Variants in SMARCC1 observed in about 807,000 individuals in gnomAD.
SMARCC1 encodes the protein SWI/SNF related BAF chromatin remodeling complex subunit C1.
Under a neutral mutation model 147.4 loss-of-function variants are expected in SMARCC1, and 43 were observed. The observed-to-expected ratio is 0.29, with a 90% CI of 0.23 to 0.38. The LOEUF (loss-of-function observed/expected upper bound fraction) is 0.38, where lower values mean the gene tolerates loss of function less well. Among genes scored for constraint, SMARCC1 ranks in the 10% least tolerant of loss-of-function variants. The probability of loss-of-function intolerance (pLI) is 1.00; values close to 1 mark genes in which losing one functional copy is unlikely to be tolerated. For missense variants in SMARCC1, 1,119 were observed against 1,381.1 expected (o/e 0.81, Z 3.01); for synonymous variants, 495 against 484.4 (o/e 1.02, Z -0.29).
chr3:47,729,892 G>C (rs1309870893), intron 5 of SMARCC1, among the ~76,000 whole-genome samples: 1 of 152,136 alleles, frequency 6.6e-6, no homozygotes, highest in Non-Finnish European at 1.5e-5. Flanking sequence ...GCATATAAAA[G>C]TTACATTTAT....
chr3:47,693,517 AACAAT>A (rs1178183007), intron 11 of SMARCC1, among the ~76,000 whole-genome samples: 1 of 152,238 alleles, frequency 6.6e-6, no homozygotes, highest in Non-Finnish European at 1.5e-5. Flanking sequence ...CATAAAAGCA[AACAAT>A]ACAAAATACT....
chr3:47,688,569 T>C (rs916174380), intron 13 of SMARCC1, among the ~76,000 whole-genome samples: 2 of 152,168 alleles, frequency 1.3e-5, no homozygotes, highest in Non-Finnish European at 2.9e-5. Flanking sequence ...GCCGTTTATT[T>C]TTAAAAAATT....
chr3:47,681,744 A>T (rs553604318), intron 14 of SMARCC1, among the ~76,000 whole-genome samples: 37 of 152,310 alleles, frequency 2.4e-4, no homozygotes, highest in African/African-American at 8.2e-4. Flanking sequence ...TTACCGGCAA[A>T]CTTCTAGAAA....
chr3:47,712,327 T>A (rs1014956012), intron 8 of SMARCC1, among the ~76,000 whole-genome samples: 1 of 151,970 alleles, frequency 6.6e-6, no homozygotes, highest in African/African-American at 2.4e-5. Flanking sequence ...CTGTGCTAAA[T>A]AAAAGGGTTA....
chr3:47,615,317 C>A (rs1284965178), intron 25 of SMARCC1, among the ~76,000 whole-genome samples: 1 of 152,218 alleles, frequency 6.6e-6, no homozygotes, highest in Non-Finnish European at 1.5e-5. Context: ...GCCTGGAGGA[C>A]AGCAGATGCT....
intron 21 of SMARCC1, among the ~76,000 whole-genome samples, chr3:47,641,971 C>G (rs2033053944): frequency 1.3e-5 from 2 of 152,054 alleles, no homozygotes; most frequent in Non-Finnish European, 2.9e-5. Flanking sequence ...ATGGTAGTTT[C>G]ACCGTAATGC....
intron 8 of SMARCC1, among the ~76,000 whole-genome samples, chr3:47,711,612 G>A (rs555528987): frequency 6.6e-6 from 1 of 152,274 alleles, no homozygotes; most frequent in East Asian, 1.9e-4. Context: ...CTAGAACACT[G>A]TAAAAACAAG....
At chr3:47,679,369 C>T (rs991778924) in intron 15 of SMARCC1, among the ~76,000 whole-genome samples, 1 of 152,166 alleles carries the variant, frequency 6.6e-6, no homozygotes, top group Non-Finnish European at 1.5e-5. Flanking sequence ...TCCGGCCAAA[C>T]TTCTTCCTTC....
Position 47,648,412 on chromosome 3 carries a change from A to C in SMARCC1, c.2321-9632T>G, listed in dbSNP as rs373833384. Among the ~76,000 whole-genome samples the C allele has an allele frequency of 3.9e-5, 6 of 152,202 alleles. 1 individual carries two copies. The highest frequency in any genetic ancestry group is 1.4e-4 in the African/African-American group (6 of 41,532). ...CATTTTTTTATTTTTTAAGAGACAG[A>C]GTCTTGTTCTGTCACCCAGGCTGGA... On this transcript the variant is annotated intron_variant, in intron 21 of 27. Coordinates refer to ENST00000254480, the MANE Select transcript of SMARCC1 (RefSeq NM_003074.4).
At chr3:47,611,859 G>T (rs2032569877) in intron 25 of SMARCC1, among the ~76,000 whole-genome samples, 1 of 152,200 alleles carries the variant, frequency 6.6e-6, no homozygotes, top group South Asian at 2.1e-4. Flanking sequence ...TGCATGAGCA[G>T]GCTAAGAGGA....
intron 7 of SMARCC1, among the ~76,000 whole-genome samples, chr3:47,716,771 T>TACA (rs2034161052): frequency 6.6e-6 from 1 of 152,212 alleles, no homozygotes; most frequent in African/African-American, 2.4e-5. Flanking sequence ...GACTACTGAC[T>TACA]TGAAGCCTTT....
At chr3:47,779,809 G>C (rs1042809228) in intron 1 of SMARCC1, among the ~76,000 whole-genome samples, 7 of 152,166 alleles carry the variant, frequency 4.6e-5, no homozygotes, top group African/African-American at 1.7e-4. Flanking sequence ...TATGCCTGTA[G>C]ATTATTTTTC....
In SMARCC1 at chr3:47,710,759, T is replaced by G; in HGVS notation, c.842A>C (p.Asn281Thr). Reference sequence around the variant, plus strand: ...TTCATCCACCTCATAATCCTCCTCATTCATCCATTCATTGAAAATATCAGT... The same window carrying G: ...TTCATCCACCTCATAATCCTCCTCAGTCATCCATTCATTGAAAATATCAGT... ...LDTDIFNEWM[N>T]EEDYEVDENR... is the part of the protein sequence containing the mutation. The change falls in exon 9 of 28, where the codon AAT becomes ACT. Residue 281 changes from asparagine to threonine, a missense_variant. Transcript: ENST00000254480. The G allele has an allele frequency of 1.2e-6, 2 of 1,612,800 alleles. No individual in the cohort carries two copies. Among genetic ancestry groups the G allele is most frequent in the Non-Finnish European group, 1.7e-6 (2 of 1,179,142 alleles).
At chr3:47,701,608 GT>G (rs970521313) in intron 10 of SMARCC1, 2 of 517,304 alleles carry the variant, frequency 3.9e-6, no homozygotes, top group Non-Finnish European at 6.9e-6. Context: ...AAGGTCAGGA[GT>G]TTGAGACCAG....
intron 4 of SMARCC1, among the ~76,000 whole-genome samples, chr3:47,737,114 C>T (rs2034453029): frequency 6.6e-6 from 1 of 152,168 alleles, no homozygotes; most frequent in East Asian, 1.9e-4. Flanking sequence ...GAAGGCAGGC[C>T]GGACTCTGTG....
At chr3:47,686,022 G>A in intron 14 of SMARCC1, 27 bp downstream of exon 14, 2 of 1,608,266 alleles carry the variant, frequency 1.2e-6, no homozygotes, top group Non-Finnish European at 1.7e-6. Context: ...TCAGTACCAT[G>A]CTCACAGATG....
chr3:47,615,674 CTTTCTTTTCT>C (rs566256779), intron 25 of SMARCC1, among the ~76,000 whole-genome samples: 4 of 152,048 alleles, frequency 2.6e-5, no homozygotes, highest in South Asian at 2.1e-4. Context: ...TACACAATTT[CTTTCTTTTCT>C]TTTCTTTTCT....
Position 47,671,196 on chromosome 3 carries a change from A to AACAAC in SMARCC1, c.1840-480_1840-479insGTTGT, listed in dbSNP as rs1553681999. Among the ~76,000 whole-genome samples the AACAAC allele has an allele frequency of 4.5e-3, 364 of 81,174 alleles. 6 individuals carry two copies. Among genetic ancestry groups the AACAAC allele is most frequent in the African/African-American group, 0.014 (351 of 25,050 alleles). 53.3% of individuals were successfully genotyped at this position (81,174 alleles called of 152,430 possible). A position where few individuals can be genotyped will look rare whatever the true frequency, so the allele number is the denominator to read the frequency against. On this transcript the variant is annotated intron_variant, in intron 18 of 27. Coordinates refer to ENST00000254480, the MANE Select transcript of SMARCC1 (RefSeq NM_003074.4). ...CTCAAAAAAAAAAAAAAAAAAAAAA[A>AACAAC]AACACACACAAAAACCAAAACCAAA... is the stretch of plus-strand genomic sequence containing the variant.
intron 25 of SMARCC1, among the ~76,000 whole-genome samples, chr3:47,612,384 T>C (rs1160299051): frequency 3.9e-5 from 6 of 152,208 alleles, no homozygotes; most frequent in African/African-American, 1.4e-4. Context: ...AGCTTGGCTG[T>C]AGTCCTACTG....
Sources: gnomAD v4.1 joint callset for allele counts (sites outside exome capture counted in the v4.1 genomes callset) on GRCh38, gnomAD v4.1.1 for gene constraint, MANE v1.5 for transcripts, NCBI Gene and HGNC (gene_info 2026-07-23, HGNC 2026-07-21) for gene names.